KYAT1: variants seen among roughly 807,000 people sequenced by gnomAD.
The protein encoded by KYAT1 is kynurenine aminotransferase 1.
In KYAT1, 47 loss-of-function variants were observed where a neutral mutation model predicts 52.4. That is an observed-to-expected ratio of 0.90 (90% CI 0.71 to 1.14). The LOEUF (loss-of-function observed/expected upper bound fraction) is 1.14. Ranked by LOEUF, KYAT1 falls within the 50% of genes most tolerant of loss-of-function variation. The pLI, the probability that KYAT1 is intolerant of heterozygous loss-of-function variation, is 0.00. For synonymous variants in KYAT1, 212 were observed against 209.6 expected (o/e 1.01, Z -0.10); for missense variants, 480 against 557.9 (o/e 0.86, Z 1.41).
At chr9:128,847,947 G>A (rs1187570470) in intron 1 of KYAT1, among the ~76,000 whole-genome samples, 1 of 152,124 alleles carries the variant, frequency 6.6e-6, no homozygotes, top group African/African-American at 2.4e-5. Context: ...TGTAAAAGTG[G>A]CCCTAAATTA....
intron 1 of KYAT1, among the ~76,000 whole-genome samples, chr9:128,866,599 AAAAAG>A (rs369826708): frequency 6.6e-5 from 10 of 151,260 alleles, no homozygotes; most frequent in Middle Eastern, 3.2e-3. Context: ...ACTCTGTCTC[AAAAAG>A]AAAAGAAAAG....
chr9:128,872,312 C>T (rs547159822), intron 1 of KYAT1, among the ~76,000 whole-genome samples: 3 of 150,984 alleles, frequency 2.0e-5, no homozygotes, highest in South Asian at 2.1e-4. Context: ...GGCGTGGTGG[C>T]GTGCACCTGT....
chr9:128,879,640 C>T (rs1264176442), intron 1 of KYAT1, among the ~76,000 whole-genome samples: 3 of 152,186 alleles, frequency 2.0e-5, no homozygotes, highest in African/African-American at 7.2e-5. Context: ...AAGGCCAAGT[C>T]CAGGGTAGGA....
chr9:128,835,019 C>T (rs1164105901), intron 11 of KYAT1, among the ~76,000 whole-genome samples: 2 of 151,842 alleles, frequency 1.3e-5, no homozygotes, highest in Middle Eastern at 3.4e-3. Flanking sequence ...AGCCTGTGGT[C>T]CCAGCTACTC....
intron 3 of KYAT1, among the ~76,000 whole-genome samples, chr9:128,840,268 C>G (rs915736841): frequency 5.7e-5 from 3 of 52,190 alleles, no homozygotes; most frequent in Non-Finnish European, 1.1e-4. Context: ...GAGACCCTGT[C>G]TCTATTTTGT....
chr9:128,870,562 G>T (rs1237297278), intron 1 of KYAT1, among the ~76,000 whole-genome samples: 1 of 152,014 alleles, frequency 6.6e-6, no homozygotes, highest in African/African-American at 2.4e-5. Flanking sequence ...GCTTGAGCCT[G>T]GGAAGTGGAG....
chr9:128,859,912 T>C (rs1357246368), intron 1 of KYAT1: 1 of 152,132 alleles, frequency 6.6e-6, no homozygotes, highest in Non-Finnish European at 1.5e-5. Flanking sequence ...CCTCCCAAAG[T>C]GCATGAGAGG....
chr9:128,876,685 C>T (rs1838088330), intron 1 of KYAT1, among the ~76,000 whole-genome samples: 1 of 150,022 alleles, frequency 6.7e-6, no homozygotes, highest in Non-Finnish European at 1.5e-5. Context: ...TCCCAAAGTG[C>T]TGAGATTACA....
intron 1 of KYAT1, among the ~76,000 whole-genome samples, chr9:128,853,036 G>A (rs1354224622): frequency 6.6e-6 from 1 of 152,142 alleles, no homozygotes; most frequent in African/African-American, 2.4e-5. Context: ...CTTCCTCACA[G>A]TACAACTAAG....
At chr9:128,862,618 C>T (rs970516734) in intron 1 of KYAT1, among the ~76,000 whole-genome samples, 1 of 152,214 alleles carries the variant, frequency 6.6e-6, no homozygotes, top group Admixed American at 6.5e-5. Flanking sequence ...TCAGGAAAGG[C>T]GGTGCCTTCT....
Position 128,875,785 on chromosome 9 carries a change from T to C in KYAT1, c.-7+6112A>G, listed in dbSNP as rs370412730. Among the ~76,000 whole-genome samples, 56 of 152,300 alleles carry C rather than the reference T, an allele frequency of 3.7e-4. 1 individual carries two copies. In the East Asian group the frequency reaches 0.01, roughly 28 times the overall value. On this transcript the variant is annotated intron_variant, in intron 1 of 12. Transcript: ENST00000302586. ...CATCTAAGATCTGAGGCCTCCCTGC[T>C]GCCAGGCCAGGGGCCGAGGGCCAGT...
At position 128,872,829 on chromosome 9, in the gene KYAT1, T is replaced by C. The variant is rs549525035; in HGVS notation, c.-7+9068A>G. Among the ~76,000 whole-genome samples the C allele has an allele frequency of 2.1e-4, 29 of 139,088 alleles. No homozygotes were observed. The South Asian group carries it at 5.8e-3, about 28-fold the overall frequency. 91.2% of individuals were successfully genotyped at this position (139,088 alleles called of 152,430 possible). A position where few individuals can be genotyped will look rare whatever the true frequency, so the allele number is the denominator to read the frequency against. On this transcript the variant is annotated intron_variant, in intron 1 of 12. Coordinates refer to ENST00000302586, the MANE Select transcript of KYAT1 (RefSeq NM_004059.5). ...GGCTCAGGCCTGTAATCCTAGAACT[T>C]TGGGAGGCCGAGGCAGGCAGATCAC... is the stretch of plus-strand genomic sequence containing the variant.
At chr9:128,872,239 T>C (rs1266938852) in intron 1 of KYAT1, among the ~76,000 whole-genome samples, 3 of 144,696 alleles carry the variant, frequency 2.1e-5, no homozygotes, top group African/African-American at 5.2e-5. Context: ...GGTCAGGAGA[T>C]TGAGACCATC....
At chr9:128,841,430 G>A (rs569143424) in intron 3 of KYAT1, among the ~76,000 whole-genome samples, 1 of 151,726 alleles carries the variant, frequency 6.6e-6, no homozygotes, top group African/African-American at 2.4e-5. Context: ...TTGAACCCAG[G>A]AGGCGGAGGC....
At chr9:128,837,468 T>C (rs1397721029) in intron 6 of KYAT1, among the ~76,000 whole-genome samples, 1 of 152,172 alleles carries the variant, frequency 6.6e-6, no homozygotes, top group Non-Finnish European at 1.5e-5. Context: ...GAAGTGATGG[T>C]GGCTCCCAGC....
rs141299030 is a variant in KYAT1, at chr9:128,859,315, C to G, written c.-6-13904G>C. ...GGCTGAACCTGCAGTGAGCTGAGAT[C>G]GCGCCACTGCACTCCAGCCTGGGCA... is the stretch of plus-strand genomic sequence containing the variant. On this transcript the variant is annotated intron_variant, in intron 1 of 12. Transcript: ENST00000302586. Among the ~76,000 whole-genome samples the G allele has an allele frequency of 8.3e-3, 1,259 of 150,878 alleles. 16 individuals are homozygous for G. The highest frequency in any genetic ancestry group is 0.029 in the African/African-American group (1,205 of 41,096).
Position 128,876,110 on chromosome 9 carries a change from C to CT in KYAT1, c.-7+5786dup, listed in dbSNP as rs577920595. Among the ~76,000 whole-genome samples, 65 of 152,192 alleles carry CT rather than the reference C, an allele frequency of 4.3e-4. No individual in the cohort carries two copies. The East Asian group carries it at 9.5e-3, about 22-fold the overall frequency. ...AGCCTCCACCTTCCCTCCCTTTACTCTTTTTTTATTTTAGAGATAGGGTCT... is the reference window on the plus strand; with the variant it reads ...AGCCTCCACCTTCCCTCCCTTTACTCTTTTTTTTATTTTAGAGATAGGGTCT... On this transcript the variant is annotated intron_variant, in intron 1 of 12. Transcript: ENST00000302586.
At chr9:128,870,732 CTA>C (rs1222492776) in intron 1 of KYAT1, among the ~76,000 whole-genome samples, 1 of 152,082 alleles carries the variant, frequency 6.6e-6, no homozygotes, top group Non-Finnish European at 1.5e-5. Context: ...AATAACAAGT[CTA>C]TAGAGACAGA....
intron 1 of KYAT1, among the ~76,000 whole-genome samples, chr9:128,856,421 T>C (rs562126655): frequency 1.3e-5 from 2 of 152,302 alleles, no homozygotes; most frequent in South Asian, 2.1e-4. Flanking sequence ...ATAATGACTA[T>C]GGCGGTTTTG....
Sources: gnomAD v4.1 joint callset for allele counts (sites outside exome capture counted in the v4.1 genomes callset) on GRCh38, gnomAD v4.1.1 for gene constraint, MANE v1.5 for transcripts, NCBI Gene and HGNC (gene_info 2026-07-23, HGNC 2026-07-21) for gene names.